VWA3B: variants seen among roughly 807,000 people sequenced by gnomAD.
VWA3B encodes von Willebrand factor A domain containing 3B.
In VWA3B, 138 loss-of-function variants were observed where a neutral mutation model predicts 158.3. The ratio of observed to expected loss-of-function variants is 0.87; its 90% CI spans 0.76 to 1.00. The LOEUF (loss-of-function observed/expected upper bound fraction) is 1.00. Ranked by LOEUF, VWA3B falls within the 50% of genes least tolerant of loss-of-function variation. VWA3B has a pLI of 0.00. For missense variants in VWA3B, 1,555 were observed against 1,565.1 expected (o/e 0.99, Z 0.11); for synonymous variants, 596 against 587.3 (o/e 1.01, Z -0.21).
rs959930216 is a variant in VWA3B, at chr2:98,116,597, C to T, written c.291+851C>T. On this transcript the variant is annotated intron_variant, in intron 3 of 27. Coordinates refer to ENST00000477737, the MANE Select transcript of VWA3B (RefSeq NM_144992.5). Reference sequence around the variant, plus strand: ...TCATGGCTCACTGCAGCCTTGACCTCCCGGGTCCGAGCGATCCTCCCACCT... The same window carrying T: ...TCATGGCTCACTGCAGCCTTGACCTTCCGGGTCCGAGCGATCCTCCCACCT... 7.2e-5 allele frequency among the ~76,000 whole-genome samples: 11 copies of T among 152,276 alleles called. No homozygotes were observed. The South Asian group carries it at 2.3e-3, about 32-fold the overall frequency.
intron 3 of VWA3B, among the ~76,000 whole-genome samples, chr2:98,118,722 C>T (rs188182152): frequency 2.4e-4 from 36 of 152,114 alleles, no homozygotes; most frequent in Admixed American, 1.9e-3. Context: ...GCTCTGTTTT[C>T]ACTCTATTAA....
chr2:98,131,070 C>T lies in VWA3B; in HGVS notation c.872+2662C>T, dbSNP rs201408536. Among the ~76,000 whole-genome samples, 29 of 152,286 alleles carry T rather than the reference C, an allele frequency of 1.9e-4. No individual in the cohort carries two copies. In the East Asian group the frequency reaches 2.1e-3, roughly 11 times the overall value. The stretch of plus-strand genomic sequence containing the variant: ...AACCTACTCCTTCTATCTCACTGTA[C>T]GTTTGTACCCATTAACCAACCTATT... On this transcript the variant is annotated intron_variant, in intron 6 of 27. Coordinates refer to ENST00000477737, the MANE Select transcript of VWA3B (RefSeq NM_144992.5).
chr2:98,149,575 G>A (rs1340935477), intron 7 of VWA3B, among the ~76,000 whole-genome samples: 4 of 152,346 alleles, frequency 2.6e-5, no homozygotes, highest in East Asian at 3.8e-4. Context: ...TTATGCAAAC[G>A]TTTGATTGAT....
Position 98,181,116 on chromosome 2 carries a change from C to T in VWA3B, c.1215C>T (p.Ser405=), listed in dbSNP as rs566474634. 11 of 1,614,200 alleles carry T rather than the reference C, an allele frequency of 6.8e-6. No homozygotes were observed. Among genetic ancestry groups the T allele is most frequent in the Non-Finnish European group, 8.5e-7 (1 of 1,180,042 alleles). ...ATGGCTTGAAGGCCCAGAAGCTATC[C>T]TTGTATGATGTGCTTGCCGACTGCT... ...QKYGLKAQKL[S]LYDVLADCSF... is the part of the protein sequence containing the mutation. The change falls in exon 9 of 28, where the codon TCC becomes TCT. Residue 405 remains serine, a synonymous_variant. Transcript: ENST00000477737.
chr2:98,178,941 C>T (rs550675789), intron 8 of VWA3B, among the ~76,000 whole-genome samples: 8 of 152,284 alleles, frequency 5.3e-5, no homozygotes, highest in East Asian at 1.9e-4. Flanking sequence ...TCTGCGTCTT[C>T]GTAGGGCTCC....
chr2:98,256,672 G>A (rs1687170241), intron 21 of VWA3B, among the ~76,000 whole-genome samples: 1 of 152,086 alleles, frequency 6.6e-6, no homozygotes, highest in Admixed American at 6.5e-5. Flanking sequence ...TTTCTTTGTG[G>A]ACATATGTTT....
intron 19 of VWA3B, among the ~76,000 whole-genome samples, chr2:98,243,576 C>T (rs1277175782): frequency 6.6e-6 from 1 of 152,066 alleles, no homozygotes; most frequent in Non-Finnish European, 1.5e-5. Context: ...CCTTGTGATC[C>T]ACCTGCCTCG....
At chr2:98,209,797 T>G (rs1278851571) in intron 12 of VWA3B, among the ~76,000 whole-genome samples, 1 of 152,244 alleles carries the variant, frequency 6.6e-6, no homozygotes, top group Non-Finnish European at 1.5e-5. Flanking sequence ...GATTTTTAAA[T>G]TATATCTTAG....
At chr2:98,232,193 T>C (rs1023753588) in intron 16 of VWA3B, among the ~76,000 whole-genome samples, 4 of 152,236 alleles carry the variant, frequency 2.6e-5, no homozygotes, top group African/African-American at 4.8e-5. Flanking sequence ...CCATTTCAGC[T>C]TGGTCGAGTT....
intron 7 of VWA3B, among the ~76,000 whole-genome samples, chr2:98,142,144 A>C (rs1011984110): frequency 6.6e-6 from 1 of 152,014 alleles, no homozygotes. Flanking sequence ...TAGTCGTTGG[A>C]TATCTGTTCT....
intron 16 of VWA3B, among the ~76,000 whole-genome samples, chr2:98,232,790 G>A (rs1263967086): frequency 1.3e-5 from 2 of 151,676 alleles, no homozygotes; most frequent in African/African-American, 4.8e-5. Flanking sequence ...TTTTTATGGT[G>A]TTTCTGGGGC....
chr2:98,321,311 A>G, the VWA3B span, among the ~76,000 whole-genome samples: 2 of 152,230 alleles, frequency 1.3e-5, no homozygotes, highest in Non-Finnish European at 2.9e-5. Flanking sequence ...ATGTGGGGTC[A>G]GATCCCCCAC....
chr2:98,254,559 A>C (rs1443159916), intron 20 of VWA3B, among the ~76,000 whole-genome samples: 1 of 152,206 alleles, frequency 6.6e-6, no homozygotes, highest in East Asian at 1.9e-4. Context: ...CAAGTGAGAC[A>C]GAAGCACTGA....
intron 1 of VWA3B, among the ~76,000 whole-genome samples, chr2:98,091,172 A>G (rs538860524): frequency 6.6e-6 from 1 of 152,316 alleles, no homozygotes; most frequent in African/African-American, 2.4e-5. Context: ...ACTGGAATGC[A>G]GATTGCCTTG....
intron 12 of VWA3B, among the ~76,000 whole-genome samples, chr2:98,201,463 A>G (rs879799924): frequency 6.6e-6 from 1 of 152,124 alleles, no homozygotes; most frequent in Admixed American, 6.5e-5. Flanking sequence ...TCCAACCCGT[A>G]TAGTGTTTAT....
intron 19 of VWA3B, among the ~76,000 whole-genome samples, chr2:98,239,616 T>C (rs762049852): frequency 4.6e-5 from 7 of 151,616 alleles, no homozygotes; most frequent in Non-Finnish European, 8.8e-5. Flanking sequence ...GAGAAAAATG[T>C]TAAGAAAAAC....
chr2:98,204,874 C>G (rs1682884128), intron 12 of VWA3B, among the ~76,000 whole-genome samples: 1 of 152,180 alleles, frequency 6.6e-6, no homozygotes, highest in Non-Finnish European at 1.5e-5. Context: ...CTTTGGGAGG[C>G]CAAGGCAGGC....
Position 98,194,446 on chromosome 2 carries a change from A to G in VWA3B, c.1691A>G (p.Asn564Ser), listed in dbSNP as rs1358306746. ...TGGCGGGAACAACTTGCTGAAGTCA[A>G]TGAAGATAATTTGGAACAGGCTCAG... ...VAWREQLAEV[N>S]EDNLEQAQSW... is the part of the protein sequence containing the mutation. The change falls in exon 12 of 28, where the codon AAT (asparagine) becomes AGT (serine). Residue 564 changes from asparagine to serine, a missense_variant. Asn to Ser is a conservative substitution (Grantham distance 46). Coordinates refer to ENST00000477737, the MANE Select transcript of VWA3B (RefSeq NM_144992.5). The G allele has an allele frequency of 2.5e-6, 4 of 1,614,022 alleles. No individual in the cohort carries two copies. Among genetic ancestry groups the G allele is most frequent in the Admixed American group, 3.3e-5 (2 of 59,998 alleles).
At chr2:98,103,221 C>T (rs1683208640) in intron 2 of VWA3B, among the ~76,000 whole-genome samples, 1 of 152,056 alleles carries the variant, frequency 6.6e-6, no homozygotes, top group African/African-American at 2.4e-5. Flanking sequence ...TATATAATAA[C>T]TCTTTTCAAA....
Sources: gnomAD v4.1 joint callset for allele counts (sites outside exome capture counted in the v4.1 genomes callset) on GRCh38, gnomAD v4.1.1 for gene constraint, MANE v1.5 for transcripts, NCBI Gene and HGNC (gene_info 2026-07-23, HGNC 2026-07-21) for gene names.